The following PLK5 variants were observed in gnomAD, a reference collection of about 807,000 sequenced individuals.
PLK5 encodes inactive serine/threonine-protein kinase PLK5.
A neutral mutation model predicts 33.7 loss-of-function variants in PLK5; 28 were observed. The ratio of observed to expected loss-of-function variants is 0.83; its 90% CI spans 0.62 to 1.14. The LOEUF (loss-of-function observed/expected upper bound fraction) is 1.14, where lower values mean the gene tolerates loss of function less well. Ranked by LOEUF, PLK5 falls within the 50% of genes most tolerant of loss-of-function variation. PLK5 has a pLI of 0.00. For missense variants in PLK5, 492 were observed against 461.5 expected, an observed-to-expected ratio of 1.07 and a Z score of -0.61; for synonymous variants, 225 against 202.2, an observed-to-expected ratio of 1.11 and a Z score of -0.96.
In PLK5 at chr19:1,535,114, AGGGTTTGCAGC is replaced by A; in HGVS notation, c.876_886del (p.Glu292AspfsTer90). 1 of 1,535,138 alleles carries A rather than the reference AGGGTTTGCAGC, an allele frequency of 6.5e-7. No homozygotes were observed. Among genetic ancestry groups the A allele is most frequent in the African/African-American group, 1.4e-5 (1 of 73,068 alleles). ...CAACTGGTGCTGAGTGGCGAGGGTG[AGGGTTTGCAGC>A]TCACCCTCTGGGAGCAGGGGTCCCC... On this transcript the variant is annotated frameshift_variant, in exon 14 of 14. Transcript: ENST00000454744. LOFTEE classifies it low-confidence loss of function (END_TRUNC).
chr19:1,529,316 A>G, intron 9 of PLK5, 90 bp from the exon 10 acceptor site: 1 of 1,172,888 alleles, frequency 8.5e-7, no homozygotes, highest in Non-Finnish European at 1.2e-6. Context: ...CACGGAGGGC[A>G]CAGGCAGGGG....
chr19:1,535,296 C>T lies in PLK5; in HGVS notation c.*46C>T. ...GACCCCTGCATGGTAGTGCCAGGGA[C>T]CCAGGCTCCATTTCCATTCCTGTGG... On this transcript the variant is annotated 3_prime_UTR_variant, in exon 14 of 14. Transcript: ENST00000454744. 2 of 1,491,922 alleles carry T rather than the reference C, an allele frequency of 1.3e-6. No individual in the cohort carries two copies. Among genetic ancestry groups the T allele is most frequent in the Non-Finnish European group, 1.8e-6 (2 of 1,123,798 alleles). The allele number at this position is 1,491,922 out of a possible 1,614,324, so 92.4% of individuals were successfully genotyped here.
intron 11 of PLK5, 39 bp from the exon 12 acceptor site, chr19:1,531,692 GCCTGACC>G (rs1568254299): frequency 2.6e-6 from 4 of 1,528,258 alleles, no homozygotes; most frequent in Admixed American, 2.0e-5. Flanking sequence ...CCTACTATAT[GCCTGACC>G]CCTGACCCCT....
In PLK5 at chr19:1,526,918, C is replaced by T. The variant is rs1913757479; in HGVS notation, c.-79C>T. ...CCCTTCCTAGAGTACTCTGTGGGAC[C>T]CCTAACTTCCTGGACCCTGAGGTTG... is the stretch of plus-strand genomic sequence containing the variant. On this transcript the variant is annotated 5_prime_UTR_variant, in exon 6 of 14. Transcript: ENST00000454744. The T allele has an allele frequency of 4.0e-6, 6 of 1,501,038 alleles. No individual in the cohort carries two copies. The highest frequency in any genetic ancestry group is 1.2e-5 in the South Asian group (1 of 83,270). 93.0% of individuals were successfully genotyped at this position (1,501,038 alleles called of 1,614,324 possible).
intron 6 of PLK5, among the ~76,000 whole-genome samples, chr19:1,527,614 ATAG>A (rs2145540969): frequency 6.6e-6 from 1 of 151,766 alleles, no homozygotes; most frequent in East Asian, 1.9e-4. Flanking sequence ...AAAAAAAAAA[ATAG>A]AAGCATTGAA....
At chr19:1,531,011 G>A (rs1304666132) in intron 11 of PLK5, among the ~76,000 whole-genome samples, 2 of 152,038 alleles carry the variant, frequency 1.3e-5, no homozygotes, top group Admixed American at 6.6e-5. Context: ...AGGATCACTT[G>A]AGCTCGGAGG....
intron 11 of PLK5, 102 bp from the exon 12 acceptor site, chr19:1,531,636 G>A: frequency 1.5e-6 from 2 of 1,378,922 alleles, no homozygotes; most frequent in Non-Finnish European, 1.9e-6. Flanking sequence ...TCCCCGCCGT[G>A]GGAAGGGTCT....
At chr19:1,530,594 G>A (rs1384212154) in intron 11 of PLK5, among the ~76,000 whole-genome samples, 1 of 126,588 alleles carries the variant, frequency 7.9e-6, no homozygotes, top group African/African-American at 3.0e-5. Flanking sequence ...CAGCCACCAC[G>A]CCTGGGCGCA....
chr19:1,535,124 G>C lies in PLK5; in HGVS notation c.885G>C (p.Gln295His). 6.5e-7 allele frequency: 1 copy of C among 1,535,726 alleles called. No individual in the cohort carries two copies. Among genetic ancestry groups the C allele is most frequent in the Admixed American group, 2.0e-5 (1 of 50,948 alleles). ...LVLSGEGEGLQLTLWEQGSPG... is the reference protein window; with the variant it reads ...LVLSGEGEGLHLTLWEQGSPG... Reference sequence around the variant, plus strand: ...TGAGTGGCGAGGGTGAGGGTTTGCAGCTCACCCTCTGGGAGCAGGGGTCCC... The same window carrying C: ...TGAGTGGCGAGGGTGAGGGTTTGCACCTCACCCTCTGGGAGCAGGGGTCCC... Residue 295 changes from glutamine to histidine, a missense_variant, in exon 14 of 14, where the codon CAG (glutamine) becomes CAC (histidine). Gln to His is a conservative substitution (Grantham distance 24). Transcript: ENST00000454744.
intron 9 of PLK5, 22 bp downstream of exon 9, chr19:1,528,996 C>T (rs1039549795): frequency 1.1e-4 from 160 of 1,475,464 alleles, no homozygotes; most frequent in Non-Finnish European, 1.3e-4. Flanking sequence ...GGGTGGGGGA[C>T]ACGGGGAGAC....
chr19:1,534,891 G>T (rs1914049377), intron 13 of PLK5, among the ~76,000 whole-genome samples, 174 bp from the exon 14 acceptor site: 1 of 152,074 alleles, frequency 6.6e-6, no homozygotes, highest in South Asian at 2.1e-4. Flanking sequence ...AGTTTCCCCA[G>T]GTGTACAGTG....
At position 1,535,350 on chromosome 19, in the gene PLK5, G is replaced by A. The variant is rs265281; in HGVS notation, c.*100G>A. The stretch of plus-strand genomic sequence containing the variant: ...CCCCAGAGGGGCTGTCCTGGGGGAG[G>A]GCTGGGGGGCACACGGGAGGTGGGT... On this transcript the variant is annotated 3_prime_UTR_variant, in exon 14 of 14. Transcript: ENST00000454744. The A allele has an allele frequency of 0.62, 823,790 of 1,319,528 alleles. 261,197 individuals are homozygous for A. The highest frequency in any genetic ancestry group is 0.84 in the African/African-American group (55,068 of 65,296). The allele number at this position is 1,319,528 out of a possible 1,614,324, so 81.7% of individuals were successfully genotyped here. A position where few individuals can be genotyped will look rare whatever the true frequency, so the allele number is the denominator to read the frequency against.
In PLK5 at chr19:1,535,187, C is replaced by T. The variant is rs1469592681; in HGVS notation, c.948C>T (p.His316=). The part of the protein sequence containing the change: ...TSYSLDVPRS[H]GCAPTTGQHL... Reference sequence around the variant, plus strand: ...ACTCCCTGGACGTCCCGCGGAGCCACGGCTGCGCCCCCACCACCGGACAGC... The same window carrying T: ...ACTCCCTGGACGTCCCGCGGAGCCATGGCTGCGCCCCCACCACCGGACAGC... The change falls in exon 14 of 14, where the codon CAC becomes CAT. Residue 316 remains histidine (H), a synonymous_variant. Coordinates refer to ENST00000454744, the MANE Select transcript of PLK5 (RefSeq NM_001243079.2). 20 of 1,518,032 alleles carry T rather than the reference C, an allele frequency of 1.3e-5. No homozygotes were observed. Among genetic ancestry groups the T allele is most frequent in the Admixed American group, 6.1e-5 (3 of 48,856 alleles). 94.0% of individuals were successfully genotyped at this position (1,518,032 alleles called of 1,614,324 possible). A position where few individuals can be genotyped will look rare whatever the true frequency, so the allele number is the denominator to read the frequency against.
At chr19:1,526,644 G>A (rs1021175657) in intron 4 of PLK5, 29 bp downstream of exon 4, 9 of 377,262 alleles carry the variant, frequency 2.4e-5, no homozygotes, top group African/African-American at 1.7e-4. Context: ...AACTGTGGGC[G>A]GGGGCGTCGG....
Position 1,529,501 on chromosome 19 carries a change from C to G in PLK5, c.490+11C>G. On this transcript the variant is annotated intron_variant, in intron 10 of 13. Transcript: ENST00000454744. ...AGAGTGACCTGGCCGGTGAGCAGAT[C>G]CCCGTCCCAGCCCGGGGCTGCAGGT... 6.5e-7 allele frequency: 1 copy of G among 1,533,870 alleles called. No homozygotes were observed. The highest frequency in any genetic ancestry group is 8.7e-7 in the Non-Finnish European group (1 of 1,145,008).
intron 13 of PLK5, 87 bp from the exon 14 acceptor site, chr19:1,534,978 G>C: frequency 8.0e-7 from 1 of 1,255,648 alleles, no homozygotes; most frequent in Non-Finnish European, 1.1e-6. Flanking sequence ...TCTGGGTCCA[G>C]TGTCCACTTG....
At chr19:1,533,318 C>T (rs926906126) in intron 12 of PLK5, among the ~76,000 whole-genome samples, 16 of 151,640 alleles carry the variant, frequency 1.1e-4, no homozygotes, top group East Asian at 3.9e-4. Context: ...CTCGAACTCC[C>T]GACCTCAGGT....
At chr19:1,527,614 A>G (rs1185126329) in intron 6 of PLK5, among the ~76,000 whole-genome samples, 1 of 151,648 alleles carries the variant, frequency 6.6e-6, no homozygotes, top group Non-Finnish European at 1.5e-5. Context: ...AAAAAAAAAA[A>G]TAGAAGCATT....
chr19:1,531,812 G>T lies in PLK5; in HGVS notation c.643G>T (p.Gly215Cys), dbSNP rs372006841. Residue 215 changes from glycine (G) to cysteine (C), a missense_variant, in exon 12 of 14, where the codon GGC (glycine) becomes TGC (cysteine). Physicochemically the swap from Gly to Cys is radical, Grantham distance 159. Transcript: ENST00000454744. ...ATGGGTGGATTATTCCAGCAAATAC[G>T]GCTTTGGCTACCAGCTCTTGGACGG... is the stretch of plus-strand genomic sequence containing the variant. ...PKWVDYSSKY[G>C]FGYQLLDGGR... The T allele has an allele frequency of 2.0e-6, 3 of 1,534,970 alleles. No homozygotes were observed. In the African/African-American group the frequency reaches 4.1e-5, roughly 21 times the overall value.
Sources: allele counts gnomAD v4.1 joint callset (sites outside exome capture counted in the v4.1 genomes callset), GRCh38; gene constraint gnomAD v4.1.1; transcripts MANE v1.5; gene names NCBI Gene and HGNC (gene_info 2026-07-23, HGNC 2026-07-21).